SAMMSON: variants seen among roughly 807,000 people sequenced by gnomAD.
SAMMSON encodes the protein long intergenic non-protein coding RNA 1212.
rs558622926 is a variant in SAMMSON at position 70,026,710 on chromosome 3, A to G, written n.417+13038A>G. On this transcript the variant is annotated intron_variant and non_coding_transcript_variant, in intron 3 of 9. Coordinates refer to ENST00000642114, the Ensembl canonical transcript of SAMMSON. Reference sequence around the variant, plus strand: ...AGATTCATGTTGATGATCACGCAGTAAAAGGAGCAAGGGTCCTCTGAGTTT... The same window carrying G: ...AGATTCATGTTGATGATCACGCAGTGAAAGGAGCAAGGGTCCTCTGAGTTT... Among the ~76,000 whole-genome samples the G allele has an allele frequency of 8.3e-4, 126 of 152,348 alleles. 1 individual carries two copies. Among genetic ancestry groups the G allele is most frequent in the South Asian group, 5.6e-3 (27 of 4,822 alleles).
At chr3:70,312,470 C>G (rs1476249393) in intron 7 of SAMMSON, 1 of 152,220 alleles carries the variant, frequency 6.6e-6, no homozygotes, top group African/African-American at 2.4e-5. Context: ...AGACCTATTA[C>G]GAACCTTCGG....
chr3:70,420,820 G>A (rs1244463224), intron 2 of SAMMSON, among the ~76,000 whole-genome samples: 4 of 152,154 alleles, frequency 2.6e-5, no homozygotes, highest in African/African-American at 9.7e-5. Flanking sequence ...AAGATTAAGT[G>A]TAGGTGTATG....
chr3:70,118,179 C>T (rs976946426), intron 4 of SAMMSON, among the ~76,000 whole-genome samples: 5 of 152,152 alleles, frequency 3.3e-5, no homozygotes, highest in Non-Finnish European at 5.9e-5. Flanking sequence ...GCCTCAGCCT[C>T]CCAAAGTGCT....
At chr3:70,228,336 A>C (rs1017888937) in intron 4 of SAMMSON, among the ~76,000 whole-genome samples, 3 of 152,134 alleles carry the variant, frequency 2.0e-5, no homozygotes, top group African/African-American at 4.8e-5. Context: ...TCTTTAATCA[A>C]AGTTTCATTT....
intron 3 of SAMMSON, among the ~76,000 whole-genome samples, chr3:70,059,266 A>G (rs554198464): frequency 6.6e-6 from 1 of 152,270 alleles, no homozygotes; most frequent in Non-Finnish European, 1.5e-5. Context: ...TTTTAGATAG[A>G]GATCATAAAT....
At chr3:70,324,139 A>C (rs2106718744) in intron 7 of SAMMSON, among the ~76,000 whole-genome samples, 1 of 150,378 alleles carries the variant, frequency 6.6e-6, no homozygotes, top group South Asian at 2.1e-4. Context: ...CCTGTAACAG[A>C]CCCCTTTACA....
chr3:70,327,154 A>G (rs1218050018), intron 7 of SAMMSON, among the ~76,000 whole-genome samples: 2 of 152,212 alleles, frequency 1.3e-5, no homozygotes, highest in Non-Finnish European at 2.9e-5. Flanking sequence ...CACTGTGTCC[A>G]GCTGGATGAT....
intron 3 of SAMMSON, among the ~76,000 whole-genome samples, chr3:70,043,430 T>C (rs2067113026): frequency 6.6e-6 from 1 of 152,138 alleles, no homozygotes; most frequent in Non-Finnish European, 1.5e-5. Flanking sequence ...AGCTAAATTT[T>C]ACTTAAAATA....
intron 6 of SAMMSON, among the ~76,000 whole-genome samples, chr3:70,259,766 G>C (rs144868404): frequency 6.6e-6 from 1 of 152,268 alleles, no homozygotes; most frequent in East Asian, 1.9e-4. Context: ...TTTCATACCG[G>C]TATAAAAACT....
intron 4 of SAMMSON, among the ~76,000 whole-genome samples, chr3:70,114,303 T>G (rs758571128): frequency 1.3e-5 from 2 of 152,230 alleles, no homozygotes; most frequent in Admixed American, 6.5e-5. Context: ...TTACCCCGTG[T>G]GTACAAGGGT....
At chr3:70,071,005 T>C (rs2067227141) in intron 3 of SAMMSON, among the ~76,000 whole-genome samples, 1 of 152,086 alleles carries the variant, frequency 6.6e-6, no homozygotes, top group African/African-American at 2.4e-5. Flanking sequence ...TAAAAGCCAA[T>C]CATTTTCTTT....
intron 6 of SAMMSON, among the ~76,000 whole-genome samples, chr3:70,290,485 A>G (rs1702224410): frequency 6.6e-6 from 1 of 152,206 alleles, no homozygotes; most frequent in Admixed American, 6.5e-5. Context: ...GGGACATTTA[A>G]GTCTGCAGAG....
chr3:70,335,458 G>GT (rs910526555), intron 7 of SAMMSON, among the ~76,000 whole-genome samples: 8 of 151,848 alleles, frequency 5.3e-5, no homozygotes, highest in South Asian at 2.1e-4. Context: ...TTTTATCTAA[G>GT]TTTTTTTTAT....
rs200351932 is a variant in SAMMSON, at chr3:70,190,752, TG to T, written n.508-58351del. ...GAAAGTGAGCTAATAAATCACTTCA[TG>T]GGGTGTATACATTCTAAGGGATGTA... On this transcript the variant is annotated intron_variant and non_coding_transcript_variant, in intron 4 of 9. Transcript: ENST00000642114. 9.1e-3 allele frequency among the ~76,000 whole-genome samples: 1,380 copies of T among 152,318 alleles called. 15 individuals are homozygous for T. The highest frequency in any genetic ancestry group is 0.031 in the African/African-American group (1,303 of 41,564).
At chr3:70,278,720 T>C (rs895088872) in intron 6 of SAMMSON, among the ~76,000 whole-genome samples, 2 of 152,178 alleles carry the variant, frequency 1.3e-5, no homozygotes, top group African/African-American at 4.8e-5. Flanking sequence ...ACCCAGGTTT[T>C]GAAATCAGAG....
intron 7 of SAMMSON, among the ~76,000 whole-genome samples, chr3:70,334,579 A>G (rs1010186782): frequency 7.2e-5 from 11 of 152,086 alleles, no homozygotes; most frequent in Admixed American, 4.6e-4. Context: ...TGTAATTATT[A>G]TAAATAAGTG....
At chr3:70,335,103 A>T (rs1265971361) in intron 7 of SAMMSON, among the ~76,000 whole-genome samples, 1 of 151,894 alleles carries the variant, frequency 6.6e-6, no homozygotes, top group Non-Finnish European at 1.5e-5. Flanking sequence ...TATATGTAGA[A>T]TGGGTATAAA....
At chr3:70,089,123 G>C (rs1480201470) in intron 4 of SAMMSON, among the ~76,000 whole-genome samples, 2 of 152,108 alleles carry the variant, frequency 1.3e-5, no homozygotes, top group African/African-American at 4.8e-5. Flanking sequence ...CAAACTGCTT[G>C]TTATATTGCT....
chr3:70,207,431 C>G (rs1701303297), intron 4 of SAMMSON, among the ~76,000 whole-genome samples: 1 of 151,936 alleles, frequency 6.6e-6, no homozygotes, highest in Non-Finnish European at 1.5e-5. Flanking sequence ...AACTGTCTGG[C>G]ACAATAGCTA....
Sources: gnomAD v4.1 joint callset for allele counts (sites outside exome capture counted in the v4.1 genomes callset) on GRCh38, gnomAD v4.1.1 for gene constraint, MANE v1.5 for transcripts, NCBI Gene and HGNC (gene_info 2026-07-23, HGNC 2026-07-21) for gene names.